Variants in AUTS2 observed in about 807,000 individuals in gnomAD.
AUTS2 encodes activator of transcription and developmental regulator AUTS2, also known as autism susceptibility gene 2 protein.
Under a neutral mutation model 112.4 loss-of-function variants are expected in AUTS2, and 17 were observed. That is an observed-to-expected ratio of 0.15 (90% CI 0.10 to 0.23). The LOEUF (loss-of-function observed/expected upper bound fraction) is 0.23. Ranked by LOEUF, AUTS2 falls within the 10% of genes least tolerant of loss-of-function variation. The pLI is 1.00. For synonymous variants in AUTS2, 751 were observed against 702.7 expected (o/e 1.07, Z -1.09); for missense variants, 1,510 against 1,701.6 (o/e 0.89, Z 1.98).
At chr7:69,876,030 A>G (rs1272774179) in intron 1 of AUTS2, among the ~76,000 whole-genome samples, 2 of 152,006 alleles carry the variant, frequency 1.3e-5, no homozygotes, top group Non-Finnish European at 2.9e-5. Context: ...GTACAAATTA[A>G]CAAAACCAGT....
At chr7:70,639,383 A>G (rs1035086659) in intron 5 of AUTS2, among the ~76,000 whole-genome samples, 2 of 151,904 alleles carry the variant, frequency 1.3e-5, no homozygotes, top group Non-Finnish European at 1.5e-5. Context: ...GACCAGCTCA[A>G]AGGAAACAGG....
intron 4 of AUTS2, among the ~76,000 whole-genome samples, chr7:70,152,717 G>A (rs1293166372): frequency 6.6e-6 from 1 of 151,948 alleles, no homozygotes; most frequent in African/African-American, 2.4e-5. Flanking sequence ...GTCACTAAAG[G>A]CAATATACAA....
chr7:70,136,234 C>G (rs1468347458), intron 4 of AUTS2, among the ~76,000 whole-genome samples: 3 of 152,032 alleles, frequency 2.0e-5, no homozygotes, highest in Admixed American at 6.6e-5. Flanking sequence ...AAAGTTTTCT[C>G]TTATTTTGGT....
intron 4 of AUTS2, among the ~76,000 whole-genome samples, chr7:70,340,621 T>C (rs2129620612): frequency 6.6e-6 from 1 of 152,346 alleles, no homozygotes; most frequent in South Asian, 2.1e-4. Context: ...TTTTTGATCC[T>C]CTTTGGAAAC....
At position 70,136,024 on chromosome 7, in the gene AUTS2, A is replaced by T. The variant is rs555463078; in HGVS notation, c.660+1453A>T. The stretch of plus-strand genomic sequence containing the variant: ...CTGAACATTCTAGTATTTTTTTTTT[A>T]TTGTCAGTAGGATCACCCTGAAAGA... On this transcript the variant is annotated intron_variant, in intron 4 of 18. Coordinates refer to ENST00000342771, the MANE Select transcript of AUTS2 (RefSeq NM_015570.4). 5.8e-3 allele frequency among the ~76,000 whole-genome samples: 883 copies of T among 151,570 alleles called. 11 individuals are homozygous for T. Among genetic ancestry groups the T allele is most frequent in the Non-Finnish European group, 6.5e-3 (443 of 67,792 alleles).
intron 4 of AUTS2, among the ~76,000 whole-genome samples, chr7:70,154,774 C>G (rs1807647873): frequency 6.6e-6 from 1 of 152,196 alleles, no homozygotes; most frequent in South Asian, 2.1e-4. Context: ...CACATGGTAA[C>G]CAGGAGATCA....
At chr7:70,239,896 T>G (rs560203283) in intron 4 of AUTS2, among the ~76,000 whole-genome samples, 1 of 152,312 alleles carries the variant, frequency 6.6e-6, no homozygotes, top group South Asian at 2.1e-4. Context: ...CCACTCCTAT[T>G]GCCGATCGGG....
chr7:70,723,133 C>G (rs557465020), intron 6 of AUTS2, among the ~76,000 whole-genome samples: 12 of 152,316 alleles, frequency 7.9e-5, no homozygotes, highest in Middle Eastern at 3.4e-3. Context: ...TTATAATGCT[C>G]TCTTCCCTAA....
chr7:70,787,310 C>G lies in AUTS2; in HGVS notation c.2410C>G (p.Pro804Ala). Residue 804 changes from proline to alanine, a missense_variant, in exon 18 of 19, where the codon CCG becomes GCG. Coordinates refer to ENST00000342771, the MANE Select transcript of AUTS2 (RefSeq NM_015570.4). The part of the protein sequence containing the change: ...NRLHRTPPSF[P>A]TPPPWLKPGE... ...GCTGCACCGAACGCCTCCGTCGTTC[C>G]CGACCCCTCCGCCCTGGCTGAAGCC... 1 of 1,614,218 alleles carries G rather than the reference C, an allele frequency of 6.2e-7. No individual in the cohort carries two copies. The highest frequency in any genetic ancestry group is 8.5e-7 in the Non-Finnish European group (1 of 1,180,032).
intron 5 of AUTS2, among the ~76,000 whole-genome samples, chr7:70,539,805 C>A (rs1800471880): frequency 6.6e-6 from 1 of 152,098 alleles, no homozygotes; most frequent in Non-Finnish European, 1.5e-5. Context: ...ACTCTGGTGT[C>A]TGCTGTGCGG....
intron 2 of AUTS2, among the ~76,000 whole-genome samples, chr7:70,065,503 G>A (rs910045455): frequency 8.5e-5 from 13 of 152,184 alleles, no homozygotes; most frequent in African/African-American, 2.6e-4. Context: ...AGACCAGCCC[G>A]AGTAACATGG....
chr7:70,523,591 A>G (rs1374310994), intron 5 of AUTS2, among the ~76,000 whole-genome samples: 2 of 152,198 alleles, frequency 1.3e-5, no homozygotes, highest in African/African-American at 4.8e-5. Flanking sequence ...CTCTTCAGGA[A>G]TCAGTTTGGG....
In AUTS2 at chr7:70,664,336, G is replaced by A. The variant is rs144602468; in HGVS notation, c.691-34233G>A. On this transcript the variant is annotated intron_variant, in intron 5 of 18. Transcript: ENST00000342771. ...ATTTAAGGTGGCCACTTGCCCCTGGGGTAAATGGCAGCTGTTGGACTCTGT... is the reference window on the plus strand; with the variant it reads ...ATTTAAGGTGGCCACTTGCCCCTGGAGTAAATGGCAGCTGTTGGACTCTGT... Among the ~76,000 whole-genome samples, 64 of 152,266 alleles carry A rather than the reference G, an allele frequency of 4.2e-4. No homozygotes were observed. The East Asian group carries it at 0.012, about 29-fold the overall frequency.
intron 4 of AUTS2, among the ~76,000 whole-genome samples, chr7:70,208,321 C>A (rs1349617452): frequency 2.0e-5 from 3 of 152,146 alleles, no homozygotes; most frequent in Non-Finnish European, 4.4e-5. Flanking sequence ...TAGGAAATGC[C>A]TTTGATGACC....
chr7:70,711,832 C>G (rs893551351), intron 6 of AUTS2, among the ~76,000 whole-genome samples: 5 of 152,122 alleles, frequency 3.3e-5, no homozygotes, highest in African/African-American at 1.2e-4. Context: ...GGAGAGGGGT[C>G]CCAAGTACCG....
intron 4 of AUTS2, among the ~76,000 whole-genome samples, chr7:70,137,030 C>G (rs1806601113): frequency 6.6e-6 from 1 of 152,186 alleles, no homozygotes; most frequent in Admixed American, 6.5e-5. Context: ...GTTCTTTTAT[C>G]TGTAGTGATA....
At chr7:70,343,033 C>T (rs1268789613) in intron 4 of AUTS2, among the ~76,000 whole-genome samples, 1 of 152,122 alleles carries the variant, frequency 6.6e-6, no homozygotes, top group Non-Finnish European at 1.5e-5. Context: ...AATCTCAAAC[C>T]TAGGGCAGTA....
intron 2 of AUTS2, 132 bp from the exon 3 acceptor site, chr7:70,118,000 T>C: frequency 2.6e-6 from 3 of 1,136,914 alleles, no homozygotes; most frequent in Non-Finnish European, 3.5e-6. Context: ...CTCCTACCTC[T>C]GCCTCCGAAA....
rs77027825 is a variant in AUTS2 at position 69,628,782 on chromosome 7, C to T, written c.309+28820C>T. On this transcript the variant is annotated intron_variant, in intron 1 of 18. Coordinates refer to ENST00000342771, the MANE Select transcript of AUTS2 (RefSeq NM_015570.4). ...CTGTCCCCCAGGATCCAGTCACCTC[C>T]TACCAGGCCCCACTTCCAACATTAG... is the stretch of plus-strand genomic sequence containing the variant. Among the ~76,000 whole-genome samples, 1,000 of 152,176 alleles carry T rather than the reference C, an allele frequency of 6.6e-3. 12 individuals carry two copies. The highest frequency in any genetic ancestry group is 0.023 in the African/African-American group (946 of 41,544).
Sources: gnomAD v4.1 joint callset for allele counts (sites outside exome capture counted in the v4.1 genomes callset) on GRCh38, gnomAD v4.1.1 for gene constraint, MANE v1.5 for transcripts, NCBI Gene and HGNC (gene_info 2026-07-23, HGNC 2026-07-21) for gene names.